TTLL11: variants seen among roughly 807,000 people sequenced by gnomAD.
TTLL11 encodes tubulin polyglutamylase TTLL11.
A neutral mutation model predicts 51.7 loss-of-function variants in TTLL11; 42 were observed. The observed-to-expected ratio is 0.81, with a 90% CI of 0.64 to 1.05. The LOEUF (loss-of-function observed/expected upper bound fraction) is 1.05. Among genes scored for constraint, TTLL11 ranks in the 50% least tolerant of loss-of-function variants. The pLI is 0.00. For synonymous variants in TTLL11, 381 were observed against 383.5 expected, an observed-to-expected ratio of 0.99 and a Z score of 0.08; for missense variants, 799 against 940.4, an observed-to-expected ratio of 0.85 and a Z score of 1.97.
intron 6 of TTLL11, among the ~76,000 whole-genome samples, chr9:121,898,204 A>G (rs1588108526): frequency 6.6e-6 from 1 of 152,030 alleles, no homozygotes; most frequent in Non-Finnish European, 1.5e-5. Flanking sequence ...ATGAGCCACC[A>G]TGTCCGGCTC....
Position 121,857,629 on chromosome 9 carries a change from G to T in TTLL11, c.1840+2708C>A, listed in dbSNP as rs112899161. ...GTCAGGGGCTGAGGTCTGGCCAAGG[G>T]CCTGGGAGATCCCAGCCCTGAATTT... On this transcript the variant is annotated intron_variant, in intron 8 of 8. Transcript: ENST00000321582. 1.7e-3 allele frequency among the ~76,000 whole-genome samples: 266 copies of T among 152,264 alleles called. 2 individuals are homozygous for T. The highest frequency in any genetic ancestry group is 6.2e-3 in the African/African-American group (256 of 41,550).
rs386416140 is a variant in TTLL11 at position 121,938,294 on chromosome 9, G to GA, written c.1481+35714dup. ...ACAGAGTGAGACGCTGTCTCAAAAA[G>GA]AAAAAAAAAAAAATCAGGAATATGA... On this transcript the variant is annotated intron_variant, in intron 6 of 8. Transcript: ENST00000321582. Among the ~76,000 whole-genome samples the GA allele has an allele frequency of 7.6e-3, 953 of 125,480 alleles. 12 individuals carry two copies. The highest frequency in any genetic ancestry group is 0.024 in the African/African-American group (844 of 34,706). 82.3% of individuals were successfully genotyped at this position (125,480 alleles called of 152,430 possible).
At chr9:121,929,259 G>A (rs1481414068) in intron 6 of TTLL11, among the ~76,000 whole-genome samples, 4 of 152,034 alleles carry the variant, frequency 2.6e-5, no homozygotes, top group Admixed American at 1.3e-4. Flanking sequence ...GACCAACATG[G>A]TGAAACCCTG....
At chr9:121,967,602 T>C (rs58980675) in intron 6 of TTLL11, among the ~76,000 whole-genome samples, 1 of 151,764 alleles carries the variant, frequency 6.6e-6, no homozygotes, top group East Asian at 1.9e-4. Flanking sequence ...AAATGAGGAG[T>C]CTGGATAAAA....
intron 6 of TTLL11, among the ~76,000 whole-genome samples, chr9:121,901,556 G>C (rs1284486944): frequency 2.6e-5 from 4 of 152,054 alleles, no homozygotes; most frequent in African/African-American, 9.7e-5. Context: ...AAACTCTTGT[G>C]AGATTGGGCT....
intron 1 of TTLL11, among the ~76,000 whole-genome samples, chr9:122,059,938 C>T (rs1342896983): frequency 1.3e-5 from 2 of 152,190 alleles, no homozygotes; most frequent in Admixed American, 6.5e-5. Flanking sequence ...ACTAGAGACT[C>T]CCCACAGCTG....
Position 122,002,083 on chromosome 9 carries a change from A to C in TTLL11, c.694-12313T>G, listed in dbSNP as rs535340213. 3.3e-5 allele frequency among the ~76,000 whole-genome samples: 5 copies of C among 152,252 alleles called. No individual in the cohort carries two copies. In the South Asian group the frequency reaches 1.0e-3, roughly 32 times the overall value. On this transcript the variant is annotated intron_variant, in intron 3 of 8. Coordinates refer to ENST00000321582, the MANE Select transcript of TTLL11 (RefSeq NM_001139442.2). The stretch of plus-strand genomic sequence containing the variant: ...TAAATCAACACTGCCTGTTTCCCCA[A>C]CTTTCATTTCAATGGCATCAGGTGG...
At chr9:121,834,778 G>C (rs1254686166) in intron 8 of TTLL11, among the ~76,000 whole-genome samples, 1 of 151,412 alleles carries the variant, frequency 6.6e-6, no homozygotes, top group Non-Finnish European at 1.5e-5. Flanking sequence ...AGTGAGTTGA[G>C]ATTGTGCCAC....
chr9:122,018,956 A>T (rs572297286), intron 3 of TTLL11, among the ~76,000 whole-genome samples: 1 of 152,320 alleles, frequency 6.6e-6, no homozygotes, highest in African/African-American at 2.4e-5. Context: ...ATACTTGAGC[A>T]ACAAACACTT....
At chr9:122,046,929 G>A (rs192842677) in intron 1 of TTLL11, among the ~76,000 whole-genome samples, 23 of 152,294 alleles carry the variant, frequency 1.5e-4, no homozygotes, top group Admixed American at 5.2e-4. Flanking sequence ...TACCTCCTAC[G>A]CGCCAAAGGG....
At chr9:121,883,036 G>C (rs1838856873) in intron 6 of TTLL11, among the ~76,000 whole-genome samples, 1 of 152,144 alleles carries the variant, frequency 6.6e-6, no homozygotes, top group African/African-American at 2.4e-5. Context: ...TTAAGACAGA[G>C]AACATGAAGA....
chr9:122,083,912 G>C (rs924722767), intron 1 of TTLL11, among the ~76,000 whole-genome samples: 2 of 152,164 alleles, frequency 1.3e-5, no homozygotes, highest in African/African-American at 4.8e-5. Flanking sequence ...GAGGGGGATG[G>C]GGTAGGTGGT....
chr9:121,971,424 G>A (rs1261544770), intron 6 of TTLL11, among the ~76,000 whole-genome samples: 57 of 93,142 alleles, frequency 6.1e-4, no homozygotes, highest in Non-Finnish European at 8.7e-4. Context: ...CCGGCCAGCC[G>A]CCCCGTCCGG....
chr9:121,877,396 G>A (rs901689045), intron 6 of TTLL11, among the ~76,000 whole-genome samples: 2 of 152,164 alleles, frequency 1.3e-5, no homozygotes, highest in African/African-American at 4.8e-5. Context: ...GCAACTTGAA[G>A]GGAAGGTGAT....
chr9:121,914,792 A>T (rs923598110), intron 6 of TTLL11, among the ~76,000 whole-genome samples: 8 of 152,184 alleles, frequency 5.3e-5, no homozygotes, highest in African/African-American at 1.9e-4. Context: ...ACCATGCCAC[A>T]GCAAGAGGGC....
intron 8 of TTLL11, among the ~76,000 whole-genome samples, chr9:121,826,217 T>TATATATATATACACACACAC (rs1491163835): frequency 1.7e-5 from 1 of 58,114 alleles, no homozygotes; most frequent in African/African-American, 7.4e-5. Flanking sequence ...TATATATATA[T>TATATATATATACACACACAC]GCACACATAT....
intron 6 of TTLL11, among the ~76,000 whole-genome samples, chr9:121,947,599 G>A (rs944653719): frequency 2.0e-5 from 3 of 152,168 alleles, no homozygotes; most frequent in African/African-American, 7.2e-5. Context: ...GAAAATACAA[G>A]TGTAGAACAA....
At chr9:122,077,384 T>C (rs369547804) in intron 1 of TTLL11, among the ~76,000 whole-genome samples, 43 of 152,292 alleles carry the variant, frequency 2.8e-4, no homozygotes, top group African/African-American at 1.0e-3. Flanking sequence ...GATCCTTGCA[T>C]TGTTAAAAAG....
chr9:121,879,454 T>C (rs1215496004), intron 6 of TTLL11, among the ~76,000 whole-genome samples: 1 of 152,182 alleles, frequency 6.6e-6, no homozygotes, highest in Non-Finnish European at 1.5e-5. Flanking sequence ...CTATTGAGGA[T>C]GAAGTAATGC....
Sources: allele counts gnomAD v4.1 joint callset (sites outside exome capture counted in the v4.1 genomes callset), GRCh38; gene constraint gnomAD v4.1.1; transcripts MANE v1.5; gene names NCBI Gene and HGNC (gene_info 2026-07-23, HGNC 2026-07-21).